Variants in GGACT observed in about 807,000 individuals in gnomAD.
The protein encoded by GGACT is gamma-glutamylamine cyclotransferase.
For missense variants in GGACT, 241 were observed against 233.2 expected (o/e 1.03, Z -0.22); for synonymous variants, 118 against 115.3 (o/e 1.02, Z -0.15).
At chr13:100,553,759 G>A (rs904200250) in intron 2 of GGACT, among the ~76,000 whole-genome samples, 3 of 149,622 alleles carry the variant, frequency 2.0e-5, no homozygotes, top group Non-Finnish European at 4.4e-5. Flanking sequence ...CAGAAGAATC[G>A]CTTGCACCAG....
rs1257663244 is a variant in GGACT, at chr13:100,531,840, A to G, written c.*290T>C. 1 of 336,680 alleles carries G rather than the reference A, an allele frequency of 3.0e-6. No individual in the cohort carries two copies. The highest frequency in any genetic ancestry group is 5.4e-6 in the Non-Finnish European group (1 of 186,112). 20.9% of individuals were successfully genotyped at this position (336,680 alleles called of 1,614,324 possible). A position where few individuals can be genotyped will look rare whatever the true frequency, so the allele number is the denominator to read the frequency against. ...TTGAGCTCAAAGCAGAGCCAACAGC[A>G]GAAACAACACGAGGAGGAAGAAGAA... On this transcript the variant is annotated 3_prime_UTR_variant, in exon 3 of 3. Coordinates refer to ENST00000683975, the MANE Select transcript of GGACT (RefSeq NM_001195087.2).
chr13:100,562,804 AAAAAGAAAAAAAAG>A (rs1291684961), intron 2 of GGACT, among the ~76,000 whole-genome samples: 3 of 151,880 alleles, frequency 2.0e-5, no homozygotes, highest in South Asian at 2.1e-4. Context: ...TCAAAAAAAA[AAAAAGAAAAAAAAG>A]AAAAGAAAAA....
At chr13:100,558,161 G>A (rs1190907800) in intron 2 of GGACT, among the ~76,000 whole-genome samples, 2 of 137,714 alleles carry the variant, frequency 1.5e-5, no homozygotes, top group South Asian at 2.4e-4. Flanking sequence ...GCCTGGGCAA[G>A]AGGAACGAAA....
rs547057161 is a variant in GGACT, at chr13:100,534,162, A to T, written c.-10-1561T>A. 1.3e-4 allele frequency among the ~76,000 whole-genome samples: 20 copies of T among 152,304 alleles called. 1 individual carries two copies. The South Asian group carries it at 4.1e-3, about 32-fold the overall frequency. On this transcript the variant is annotated intron_variant, in intron 2 of 2. Transcript: ENST00000683975. This position sits in a 1 kb window ranked among gnomAD's most constrained non-coding sequence, Gnocchi z 4.9. ...GGTTCTAGGCCTCATTTTGCTCAAG[A>T]GGCACGTCTGCTGCCTCTTGGTTCT...
intron 2 of GGACT, among the ~76,000 whole-genome samples, chr13:100,569,967 G>C (rs966251973): frequency 4.6e-5 from 7 of 152,146 alleles, no homozygotes; most frequent in African/African-American, 1.7e-4. Context: ...CCTCAGCCTG[G>C]ACTTTATTGT....
intron 2 of GGACT, among the ~76,000 whole-genome samples, chr13:100,573,956 T>C (rs774219892): frequency 6.6e-6 from 1 of 150,970 alleles, no homozygotes; most frequent in East Asian, 1.9e-4. Context: ...GAAATGTCAA[T>C]TAGTTCAGCT....
intron 2 of GGACT, among the ~76,000 whole-genome samples, chr13:100,543,197 C>CTTTTGTTTTTTTTTTTT (rs2088570468): frequency 1.4e-5 from 1 of 69,892 alleles, no homozygotes; most frequent in African/African-American, 6.2e-5. Flanking sequence ...AAGACACCAG[C>CTTTTGTTTTTTTTTTTT]TTTTTTTTTT....
At chr13:100,551,661 G>A (rs2088665762) in intron 2 of GGACT, among the ~76,000 whole-genome samples, 1 of 152,208 alleles carries the variant, frequency 6.6e-6, no homozygotes, top group African/African-American at 2.4e-5. Flanking sequence ...GCTGTCCAGG[G>A]GGCACCTGTG....
In GGACT at chr13:100,530,301, C is replaced by T. The variant is rs879834293; in HGVS notation, c.*1829G>A. The T allele has an allele frequency of 1.2e-5, 9 of 760,534 alleles. No homozygotes were observed. The highest frequency in any genetic ancestry group is 5.9e-5 in the South Asian group (4 of 67,452). 47.1% of individuals were successfully genotyped at this position (760,534 alleles called of 1,614,324 possible). On this transcript the variant is annotated 3_prime_UTR_variant, in exon 3 of 3. Transcript: ENST00000683975. ...TACGTCGTCATTTATTCCACAGAGT[C>T]AAGACCAATATTCTGCCAAAAAATC... is the stretch of plus-strand genomic sequence containing the variant.
intron 1 of GGACT, among the ~76,000 whole-genome samples, chr13:100,586,240 A>G (rs571350976): frequency 3.8e-4 from 58 of 152,316 alleles, no homozygotes; most frequent in African/African-American, 1.4e-3. Context: ...GTTGTCTGGA[A>G]TAAACTGCTT....
chr13:100,568,777 C>T (rs1476815382), intron 2 of GGACT, among the ~76,000 whole-genome samples: 1 of 152,192 alleles, frequency 6.6e-6, no homozygotes, highest in Non-Finnish European at 1.5e-5. Flanking sequence ...CCCCTCTGCC[C>T]ATGAGCCCAC....
chr13:100,584,537 A>G (rs529235082), intron 1 of GGACT, among the ~76,000 whole-genome samples: 1 of 152,306 alleles, frequency 6.6e-6, no homozygotes, highest in South Asian at 2.1e-4. Flanking sequence ...AAAACACAGA[A>G]AGCAGGAATA....
Position 100,577,418 on chromosome 13 carries a change from AAAATAAATAAAT to A in GGACT, c.-11+6395_-11+6406del, listed in dbSNP as rs59417268. On this transcript the variant is annotated intron_variant, in intron 2 of 2. Coordinates refer to ENST00000683975, the MANE Select transcript of GGACT (RefSeq NM_001195087.2). ...GTGACAAGAGCGAGACTCCATCTCAAAAATAAATAAATAAATAAATAAATAAATAAATAAAAA... is the reference window on the plus strand; with the variant it reads ...GTGACAAGAGCGAGACTCCATCTCAAAAATAAATAAATAAATAAATAAAAA... Among the ~76,000 whole-genome samples, 218 of 141,224 alleles carry A rather than the reference AAAATAAATAAAT, an allele frequency of 1.5e-3. 1 individual carries two copies. Among genetic ancestry groups the A allele is most frequent in the African/African-American group, 4.2e-3 (160 of 38,352 alleles). The allele number at this position is 141,224 out of a possible 152,430, so 92.6% of individuals were successfully genotyped here. A position where few individuals can be genotyped will look rare whatever the true frequency, so the allele number is the denominator to read the frequency against.
intron 2 of GGACT, among the ~76,000 whole-genome samples, chr13:100,561,961 C>T (rs1479554844): frequency 6.6e-6 from 1 of 152,186 alleles, no homozygotes; most frequent in African/African-American, 2.4e-5. Context: ...ATTAACTCTG[C>T]TCAAAGGTCA....
In GGACT at chr13:100,569,026, T is replaced by C. The variant is rs560478737; in HGVS notation, c.-11+14799A>G. On this transcript the variant is annotated intron_variant, in intron 2 of 2. Coordinates refer to ENST00000683975, the MANE Select transcript of GGACT (RefSeq NM_001195087.2). ...GTGGGCTCTCATGGCCTTGGGCAGC[T>C]CCGCCCCTATGGCTTTGCAGGGTAC... Among the ~76,000 whole-genome samples the C allele has an allele frequency of 3.3e-5, 5 of 152,374 alleles. 1 individual carries two copies. Among genetic ancestry groups the C allele is most frequent in the African/African-American group, 9.6e-5 (4 of 41,602 alleles).
At chr13:100,579,856 T>C (rs1051971528) in intron 2 of GGACT, among the ~76,000 whole-genome samples, 5 of 152,220 alleles carry the variant, frequency 3.3e-5, no homozygotes, top group African/African-American at 9.6e-5. Context: ...ATCTTTGTCA[T>C]TGGGGTGTCA....
At position 100,550,919 on chromosome 13, in the gene GGACT, G is replaced by A. The variant is rs548167560; in HGVS notation, c.-10-18318C>T. ...TGAATTGAACAGCTCACACATGTGAGGCATTTAACTTTTTTGGGAGGAGTA... is the reference window on the plus strand; with the variant it reads ...TGAATTGAACAGCTCACACATGTGAAGCATTTAACTTTTTTGGGAGGAGTA... On this transcript the variant is annotated intron_variant, in intron 2 of 2. Transcript: ENST00000683975. Among the ~76,000 whole-genome samples, 3 of 152,300 alleles carry A rather than the reference G, an allele frequency of 2.0e-5. No individual in the cohort carries two copies. The South Asian group carries it at 6.2e-4, about 32-fold the overall frequency.
chr13:100,540,643 G>A lies in GGACT; in HGVS notation c.-10-8042C>T, dbSNP rs1303464112. Reference sequence around the variant, plus strand: ...GTTTATCTCTGCTCTAATCATTACTGTTCCTTTCCTTCTGCTAGCTTTGGG... The same window carrying A: ...GTTTATCTCTGCTCTAATCATTACTATTCCTTTCCTTCTGCTAGCTTTGGG... On this transcript the variant is annotated intron_variant, in intron 2 of 2. Coordinates refer to ENST00000683975, the MANE Select transcript of GGACT (RefSeq NM_001195087.2). Among the ~76,000 whole-genome samples, 6 of 152,206 alleles carry A rather than the reference G, an allele frequency of 3.9e-5. No homozygotes were observed. The East Asian group carries it at 1.2e-3, about 29-fold the overall frequency.
chr13:100,543,468 A>G (rs1056389627), intron 2 of GGACT, among the ~76,000 whole-genome samples: 1 of 152,074 alleles, frequency 6.6e-6, no homozygotes, highest in Non-Finnish European at 1.5e-5. Flanking sequence ...GGCCTCCCAA[A>G]GTGCTAGATT....
Sources: gnomAD v4.1 joint callset for allele counts (sites outside exome capture counted in the v4.1 genomes callset) on GRCh38, gnomAD v4.1.1 for gene constraint, Gnocchi (gnomAD v3.1) non-coding constraint, MANE v1.5 for transcripts, NCBI Gene and HGNC (gene_info 2026-07-23, HGNC 2026-07-21) for gene names.